HS2ST1: variants seen among roughly 807,000 people sequenced by gnomAD.
HS2ST1 encodes the protein 2-O-sulfotransferase.
In HS2ST1, 18 loss-of-function variants were observed where a neutral mutation model predicts 42.9. The ratio of observed to expected loss-of-function variants is 0.42; its 90% CI spans 0.29 to 0.62. HS2ST1 has a LOEUF of 0.62. Among genes scored for constraint, HS2ST1 ranks in the 20% least tolerant of loss-of-function variants. HS2ST1 has a pLI of 0.21. For missense variants in HS2ST1, 334 were observed against 433.8 expected, an observed-to-expected ratio of 0.77 and a Z score of 2.04; for synonymous variants, 146 against 152.9, an observed-to-expected ratio of 0.95 and a Z score of 0.33.
chr1:87,070,077 T>G (rs1651364056), intron 1 of HS2ST1, among the ~76,000 whole-genome samples: 1 of 152,206 alleles, frequency 6.6e-6, no homozygotes, highest in African/African-American at 2.4e-5. Flanking sequence ...TTTTTTTCTT[T>G]AGCGCAAACT....
chr1:87,005,538 A>G, intron 1 of HS2ST1, among the ~76,000 whole-genome samples: 1 of 152,294 alleles, frequency 6.6e-6, no homozygotes, highest in Non-Finnish European at 1.5e-5. Flanking sequence ...GCAAAATAAT[A>G]ACACTGTAAA....
intron 1 of HS2ST1, among the ~76,000 whole-genome samples, chr1:86,992,126 C>G (rs944748071): frequency 9.9e-5 from 15 of 152,014 alleles, no homozygotes; most frequent in African/African-American, 3.4e-4. Flanking sequence ...AAAATCTAAT[C>G]TGAGGTAGAA....
At chr1:87,046,032 T>G in intron 1 of HS2ST1, 1 of 679,020 alleles carries the variant, frequency 1.5e-6, no homozygotes, top group Non-Finnish European at 2.8e-6. Flanking sequence ...TGCACTGCAG[T>G]TTTACCTGAA....
chr1:86,987,071 T>TG (rs1438044734), intron 1 of HS2ST1, among the ~76,000 whole-genome samples: 39 of 147,800 alleles, frequency 2.6e-4, no homozygotes, highest in African/African-American at 9.7e-4. Context: ...TAGCCAGGTT[T>TG]TTTTTTTTTT....
intron 1 of HS2ST1, among the ~76,000 whole-genome samples, chr1:87,011,236 A>G (rs1252522178): frequency 5.3e-5 from 8 of 151,786 alleles, no homozygotes; most frequent in Admixed American, 4.6e-4. Context: ...TTTACTTTTT[A>G]CCAAAATTTT....
At chr1:87,081,890 C>G (rs527848268) in intron 2 of HS2ST1, among the ~76,000 whole-genome samples, 1 of 149,826 alleles carries the variant, frequency 6.7e-6, no homozygotes, top group African/African-American at 2.5e-5. Flanking sequence ...AGGAGAATCA[C>G]TTGAACCTGG....
At chr1:87,068,730 C>T (rs1048035078) in intron 1 of HS2ST1, among the ~76,000 whole-genome samples, 1 of 152,192 alleles carries the variant, frequency 6.6e-6, no homozygotes, top group Non-Finnish European at 1.5e-5. Context: ...TTGATTAACA[C>T]ATATTGTATA....
chr1:87,007,811 A>T (rs1412977249), intron 1 of HS2ST1, among the ~76,000 whole-genome samples: 1 of 152,048 alleles, frequency 6.6e-6, no homozygotes, highest in Non-Finnish European at 1.5e-5. Flanking sequence ...ATAGCATCAA[A>T]TTCTCCTTGA....
At chr1:87,084,503 T>C (rs1349209469) in intron 3 of HS2ST1, among the ~76,000 whole-genome samples, 11 of 152,154 alleles carry the variant, frequency 7.2e-5, no homozygotes, top group African/African-American at 2.7e-4. Flanking sequence ...TATTACTCTT[T>C]AAAGTTTATT....
Position 86,914,858 on chromosome 1 carries a change from T to C in HS2ST1, c.-179T>C, listed in dbSNP as rs1407943086. The C allele has an allele frequency of 1.5e-6, 1 of 661,136 alleles. No homozygotes were observed. Among genetic ancestry groups the C allele is most frequent in the African/African-American group, 2.0e-5 (1 of 49,826 alleles). The allele number at this position is 661,136 out of a possible 1,614,324, so 41.0% of individuals were successfully genotyped here. A position where few individuals can be genotyped will look rare whatever the true frequency, so the allele number is the denominator to read the frequency against. On this transcript the variant is annotated 5_prime_UTR_variant, in exon 1 of 7. Coordinates refer to ENST00000370550, the MANE Select transcript of HS2ST1 (RefSeq NM_012262.4). ...AAGCGGACACCAGCGGCGTTGGTGATAGCGCCTGGGGGAGGGGGACTGGAG... is the reference window on the plus strand; with the variant it reads ...AAGCGGACACCAGCGGCGTTGGTGACAGCGCCTGGGGGAGGGGGACTGGAG...
At chr1:86,941,642 C>T (rs1415916461) in intron 1 of HS2ST1, among the ~76,000 whole-genome samples, 3 of 151,736 alleles carry the variant, frequency 2.0e-5, no homozygotes, top group East Asian at 1.9e-4. Flanking sequence ...GGCATTGTGG[C>T]GGGTGTCTGT....
chr1:87,045,781 A>G, intron 1 of HS2ST1: 4 of 904,028 alleles, frequency 4.4e-6, no homozygotes, highest in Non-Finnish European at 7.4e-6. Context: ...TTTGTAGCAG[A>G]GGTAACAAAA....
At chr1:87,024,751 T>C (rs1282857966) in intron 1 of HS2ST1, among the ~76,000 whole-genome samples, 6 of 152,212 alleles carry the variant, frequency 3.9e-5, no homozygotes, top group Non-Finnish European at 8.8e-5. Flanking sequence ...AGGAATACTT[T>C]TTTAGGTAGA....
At chr1:87,017,496 A>G (rs1377547717) in intron 1 of HS2ST1, among the ~76,000 whole-genome samples, 3 of 152,160 alleles carry the variant, frequency 2.0e-5, no homozygotes, top group Non-Finnish European at 4.4e-5. Flanking sequence ...TCTAGCCATT[A>G]TAACCATATG....
At chr1:87,034,101 A>G (rs1222521732) in intron 1 of HS2ST1, among the ~76,000 whole-genome samples, 3 of 152,212 alleles carry the variant, frequency 2.0e-5, no homozygotes, top group Non-Finnish European at 2.9e-5. Flanking sequence ...TGGTAAGTCT[A>G]AAAAATAAGT....
At chr1:86,943,295 A>C (rs931436672) in intron 1 of HS2ST1, among the ~76,000 whole-genome samples, 11 of 152,318 alleles carry the variant, frequency 7.2e-5, no homozygotes, top group Admixed American at 3.9e-4. Flanking sequence ...TATGGAGAAA[A>C]ACTTTGGATT....
rs1652403427 is a variant in HS2ST1, at chr1:87,109,064, C to T, written c.*4368C>T. On this transcript the variant is annotated 3_prime_UTR_variant, in exon 7 of 7. Coordinates refer to ENST00000370550, the MANE Select transcript of HS2ST1 (RefSeq NM_012262.4). ...TGTTTCCAACTTGAAACCATTTTGT[C>T]ACATCTGTTGGAGAGATAATCACTC... The T allele has an allele frequency of 6.6e-6, 1 of 152,436 alleles. No homozygotes were observed. The highest frequency in any genetic ancestry group is 2.1e-4 in the South Asian group (1 of 4,828). 9.4% of individuals were successfully genotyped at this position (152,436 alleles called of 1,614,324 possible). A position where few individuals can be genotyped will look rare whatever the true frequency, so the allele number is the denominator to read the frequency against.
At position 86,923,595 on chromosome 1, in the gene HS2ST1, A is replaced by G. The variant is rs1326028902; in HGVS notation, c.124+8435A>G. 2.0e-5 allele frequency among the ~76,000 whole-genome samples: 3 copies of G among 152,150 alleles called. No individual in the cohort carries two copies. In the East Asian group the frequency reaches 5.8e-4, roughly 29 times the overall value. ...GTATTTTTAGTAGAGATGGGGTTTC[A>G]CTGTGTTAGCCAGGCTGGTCTTGAT... On this transcript the variant is annotated intron_variant, in intron 1 of 6. Coordinates refer to ENST00000370550, the MANE Select transcript of HS2ST1 (RefSeq NM_012262.4).
chr1:86,999,693 TC>T (rs35630628), intron 1 of HS2ST1, among the ~76,000 whole-genome samples: 108,248 of 151,626 alleles, frequency 0.71, 40,260 homozygotes, highest in East Asian at 0.97. Context: ...AATTATGCTT[TC>T]CCCCCCAACT....
Sources: allele counts gnomAD v4.1 joint callset (sites outside exome capture counted in the v4.1 genomes callset), GRCh38; gene constraint gnomAD v4.1.1; transcripts MANE v1.5; gene names NCBI Gene and HGNC (gene_info 2026-07-23, HGNC 2026-07-21).